Variants in OR52N4 observed in about 807,000 individuals in gnomAD.
OR52N4 encodes the protein olfactory receptor family 52 subfamily N member 4, also known as olfactory receptor 52N4.
Under a neutral mutation model 15.0 loss-of-function variants are expected in OR52N4, and 15 were observed. The ratio of observed to expected loss-of-function variants is 1.00; its 90% CI spans 0.67 to 1.54. The LOEUF (loss-of-function observed/expected upper bound fraction) is 1.54. Ranked by LOEUF, OR52N4 falls within the 40% of genes most tolerant of loss-of-function variation. OR52N4 has a pLI of 0.00. For missense variants in OR52N4, 421 were observed against 394.0 expected, an observed-to-expected ratio of 1.07 and a Z score of -0.58; for synonymous variants, 143 against 143.7, an observed-to-expected ratio of 1.00 and a Z score of 0.03.
chr11:5,729,114 A>ATTTTCT, the OR52N4 span, among the ~76,000 whole-genome samples: 2 of 82,912 alleles, frequency 2.4e-5, no homozygotes, highest in South Asian at 4.8e-4. Flanking sequence ...TTAAATTGAG[A>ATTTTCT]TTTTTTTTTT....
At chr11:5,734,159 A>T in the OR52N4 span, 29 of 456,356 alleles carry the variant, frequency 6.4e-5, no homozygotes, top group African/African-American at 3.4e-4. Flanking sequence ...TCTTTCTCAT[A>T]AAGTTCTGTC....
rs373568225 is a variant in OR52N4 at position 5,754,717 on chromosome 11, A to G, written c.-24A>G. ...GGAAAGCCCAGACAAATTTTGAGCT[A>G]TTTCATAACCTACCAGACTTATCAT... On this transcript the variant is annotated 5_prime_UTR_variant, in exon 2 of 2. Coordinates refer to ENST00000641350, the MANE Select transcript of OR52N4 (RefSeq NM_001005175.5). 3.5e-5 allele frequency: 55 copies of G among 1,567,516 alleles called. No homozygotes were observed. The African/African-American group carries it at 6.7e-4, about 19-fold the overall frequency.
the OR52N4 span, among the ~76,000 whole-genome samples, chr11:5,747,554 G>A: frequency 6.6e-5 from 10 of 151,534 alleles, no homozygotes; most frequent in Non-Finnish European, 1.0e-4. Flanking sequence ...TCAAAACATC[G>A]TGTTGTACAT....
chr11:5,736,680 T>TC, the OR52N4 span: 2 of 1,614,046 alleles, frequency 1.2e-6, no homozygotes, highest in African/African-American at 2.7e-5. Flanking sequence ...ACCCTCATCC[T>TC]CATCATCATC....
At chr11:5,735,759 A>G in the OR52N4 span, among the ~76,000 whole-genome samples, 1 of 152,184 alleles carries the variant, frequency 6.6e-6, no homozygotes, top group Non-Finnish European at 1.5e-5. Context: ...TTGAATGGCA[A>G]TTCCTTCAAC....
the OR52N4 span, among the ~76,000 whole-genome samples, chr11:5,728,942 A>G: frequency 6.6e-6 from 1 of 151,966 alleles, no homozygotes; most frequent in Non-Finnish European, 1.5e-5. Context: ...CACAACGTGC[A>G]GGTTTGTTAC....
At chr11:5,752,264 T>A (rs75905307), upstream of OR52N4, among the ~76,000 whole-genome samples, 1 of 152,178 alleles carries the variant, frequency 6.6e-6, no homozygotes, top group Non-Finnish European at 1.5e-5. Context: ...TGAGTACATA[T>A]CTTTGAGGAG....
the OR52N4 span, among the ~76,000 whole-genome samples, chr11:5,728,017 C>A: frequency 1.3e-5 from 2 of 152,210 alleles, no homozygotes; most frequent in African/African-American, 4.8e-5. Flanking sequence ...CAGAACAAAG[C>A]TGTGAAAACT....
the OR52N4 span, among the ~76,000 whole-genome samples, chr11:5,731,260 T>A: frequency 1.3e-5 from 2 of 152,212 alleles, no homozygotes; most frequent in Admixed American, 1.3e-4. Context: ...GCGCTCTAAG[T>A]TGCTGAGGGT....
At position 5,754,704 on chromosome 11, in the gene OR52N4, C is replaced by A. The variant is rs1305724600; in HGVS notation, c.-37C>A. 1.3e-6 allele frequency: 2 copies of A among 1,534,024 alleles called. No individual in the cohort carries two copies. Among genetic ancestry groups the A allele is most frequent in the South Asian group, 1.3e-5 (1 of 77,296 alleles). On this transcript the variant is annotated 5_prime_UTR_variant, in exon 2 of 2. Coordinates refer to ENST00000641350, the MANE Select transcript of OR52N4 (RefSeq NM_001005175.5). ...TTTTTTAACTCTAGGAAAGCCCAGACAAATTTTGAGCTATTTCATAACCTA... is the reference window on the plus strand; with the variant it reads ...TTTTTTAACTCTAGGAAAGCCCAGAAAAATTTTGAGCTATTTCATAACCTA...
In OR52N4 at chr11:5,754,887, C is replaced by A. The variant is rs968540852; in HGVS notation, c.147C>A (p.Tyr49Ter). ...VAMVGNCGLLYLIHYEDALHK... is the reference protein window; with the variant it reads ...VAMVGNCGLL ...TGGTAGGGAATTGTGGACTCCTCTA[C>A]CTCATTCACTATGAGGATGCCCTGC... is the stretch of plus-strand genomic sequence containing the variant. The change falls in exon 2 of 2, where the codon TAC becomes TAA. Residue 49 changes from tyrosine to a stop codon, truncating the protein, a stop_gained. Coordinates refer to ENST00000641350, the MANE Select transcript of OR52N4 (RefSeq NM_001005175.5). LOFTEE classifies it high-confidence loss of function. The A allele has an allele frequency of 1.2e-6, 2 of 1,613,854 alleles. No homozygotes were observed. Among genetic ancestry groups the A allele is most frequent in the Middle Eastern group, 1.6e-4 (1 of 6,062 alleles).
the OR52N4 span, among the ~76,000 whole-genome samples, chr11:5,745,743 T>C: frequency 6.6e-6 from 1 of 151,848 alleles, no homozygotes; most frequent in Non-Finnish European, 1.5e-5. Context: ...ATCAAAGCAA[T>C]CTTAAGTAAA....
In OR52N4 at chr11:5,755,613, C is replaced by A. The variant is rs199577172; in HGVS notation, c.873C>A (p.Asn291Lys). The change falls in exon 2 of 2, where the codon AAC becomes AAA. Residue 291 changes from asparagine to lysine, a missense_variant. By Grantham distance (94) the Asn-to-Lys change is moderately conservative. Transcript: ENST00000641350. The part of the protein sequence containing the change: ...NIYLLLPPTM[N>K]PIVYGVKTKQ... ...ATCTGCTCCTACCACCCACTATGAA[C>A]CCTATTGTCTATGGGGTGAAAACCA... is the stretch of plus-strand genomic sequence containing the variant. The A allele has an allele frequency of 4.7e-5, 76 of 1,613,848 alleles. No individual in the cohort carries two copies. The highest frequency in any genetic ancestry group is 5.6e-5 in the Non-Finnish European group (66 of 1,179,814).
the OR52N4 span, among the ~76,000 whole-genome samples, chr11:5,745,697 T>G: frequency 6.6e-6 from 1 of 152,074 alleles, no homozygotes; most frequent in African/African-American, 2.4e-5. Context: ...AATAAGCAAT[T>G]CTAAAATTCA....
chr11:5,752,902 C>G (rs935293435), upstream of OR52N4, among the ~76,000 whole-genome samples: 2 of 152,096 alleles, frequency 1.3e-5, no homozygotes, highest in Non-Finnish European at 2.9e-5. Context: ...CAAGATGTTA[C>G]ATCTATTTTA....
chr11:5,729,464 A>C, the OR52N4 span, among the ~76,000 whole-genome samples: 1 of 152,142 alleles, frequency 6.6e-6, no homozygotes, highest in Non-Finnish European at 1.5e-5. Context: ...CAATTCTAAC[A>C]CTACAGTTCA....
At chr11:5,744,409 A>C in the OR52N4 span, among the ~76,000 whole-genome samples, 2 of 152,218 alleles carry the variant, frequency 1.3e-5, no homozygotes, top group Non-Finnish European at 2.9e-5. Context: ...AACAAAAAAG[A>C]AAATTACAGG....
At chr11:5,744,740 C>A in the OR52N4 span, among the ~76,000 whole-genome samples, 1 of 152,172 alleles carries the variant, frequency 6.6e-6, no homozygotes, top group African/African-American at 2.4e-5. Context: ...TGGCGAAACC[C>A]TGTCTCTACT....
At chr11:5,727,447 A>G in the OR52N4 span, 3 of 152,254 alleles carry the variant, frequency 2.0e-5, no homozygotes, top group South Asian at 6.2e-4. Context: ...GGAAATGGGC[A>G]TCAAGGCATC....
Sources: gnomAD v4.1 joint callset for allele counts (sites outside exome capture counted in the v4.1 genomes callset) on GRCh38, gnomAD v4.1.1 for gene constraint, MANE v1.5 for transcripts, NCBI Gene and HGNC (gene_info 2026-07-23, HGNC 2026-07-21) for gene names.